Variants in GALNT11 observed in about 807,000 individuals in gnomAD.
GALNT11 encodes the protein polypeptide N-acetylgalactosaminyltransferase 11.
A neutral mutation model predicts 72.7 loss-of-function variants in GALNT11; 47 were observed. The observed-to-expected ratio is 0.65, with a 90% confidence interval of 0.51 to 0.82. The LOEUF is 0.82. Among genes scored for constraint, GALNT11 ranks in the 40% least tolerant of loss-of-function variants. The pLI is 0.00. For missense variants in GALNT11, 677 were observed against 778.4 expected (o/e 0.87, Z 1.55); for synonymous variants, 270 against 286.6 (o/e 0.94, Z 0.58).
chr7:152,086,539 A>G (rs745376007), intron 1 of GALNT11, among the ~76,000 whole-genome samples: 7 of 152,234 alleles, frequency 4.6e-5, no homozygotes, highest in Non-Finnish European at 1.0e-4. Flanking sequence ...GAAAGTTAGT[A>G]TATTTTACAG....
At chr7:152,057,372 T>G (rs2083744831) in intron 1 of GALNT11, among the ~76,000 whole-genome samples, 1 of 151,432 alleles carries the variant, frequency 6.6e-6, no homozygotes, top group African/African-American at 2.4e-5. Context: ...AGTGGTGCCA[T>G]CTCGGTTTAC....
intron 1 of GALNT11, among the ~76,000 whole-genome samples, chr7:152,031,920 A>G (rs1586904568): frequency 6.6e-6 from 1 of 151,486 alleles, no homozygotes; most frequent in Non-Finnish European, 1.5e-5. Flanking sequence ...ATTTGAAGGA[A>G]CCCCCACAAC....
intron 1 of GALNT11, among the ~76,000 whole-genome samples, chr7:152,075,710 C>T (rs900464630): frequency 1.3e-5 from 2 of 151,266 alleles, no homozygotes; most frequent in African/African-American, 2.4e-5. Context: ...GCAGGAGAAT[C>T]GCTTGAACCC....
chr7:152,045,857 T>G (rs2083093474), intron 1 of GALNT11, among the ~76,000 whole-genome samples: 1 of 152,128 alleles, frequency 6.6e-6, no homozygotes, highest in Non-Finnish European at 1.5e-5. Flanking sequence ...TCTTGCTTTC[T>G]CTGCATCTTT....
chr7:152,067,208 C>T (rs1219325459), intron 1 of GALNT11, among the ~76,000 whole-genome samples: 1 of 152,204 alleles, frequency 6.6e-6, no homozygotes, highest in Non-Finnish European at 1.5e-5. Flanking sequence ...TACATACTAT[C>T]TGTGCATATC....
intron 1 of GALNT11, among the ~76,000 whole-genome samples, chr7:152,076,657 T>TG (rs1484292913): frequency 6.6e-6 from 1 of 152,238 alleles, no homozygotes; most frequent in East Asian, 1.9e-4. Flanking sequence ...AGTTTGGGCC[T>TG]GCCCTGCACG....
chr7:152,044,031 G>A (rs181892935), intron 1 of GALNT11, among the ~76,000 whole-genome samples: 8 of 152,268 alleles, frequency 5.3e-5, no homozygotes, highest in African/African-American at 1.4e-4. Context: ...CGAGCCCCAC[G>A]TATGGGCATT....
rs2086295542 is a variant in GALNT11 at position 152,095,216 on chromosome 7, C to T, written c.295+694C>T. Among the ~76,000 whole-genome samples, 2 of 152,170 alleles carry T rather than the reference C, an allele frequency of 1.3e-5. 1 individual carries two copies. The highest frequency in any genetic ancestry group is 4.1e-4 in the South Asian group (2 of 4,826). On this transcript the variant is annotated intron_variant, in intron 2 of 11. Transcript: ENST00000430044. ...TTTTCCTCCTAAAAAATTATATTCTCTTCAACTTGGATGCAAGACTCTATT... is the reference window on the plus strand; with the variant it reads ...TTTTCCTCCTAAAAAATTATATTCTTTTCAACTTGGATGCAAGACTCTATT...
intron 7 of GALNT11, among the ~76,000 whole-genome samples, chr7:152,111,516 G>A (rs1455465776): frequency 2.6e-5 from 4 of 152,072 alleles, no homozygotes; most frequent in Non-Finnish European, 5.9e-5. Flanking sequence ...GGCTTTTAGT[G>A]CACTCATCAC....
chr7:152,039,944 A>G (rs1384099564), intron 1 of GALNT11, among the ~76,000 whole-genome samples: 2 of 152,018 alleles, frequency 1.3e-5, no homozygotes, highest in Admixed American at 6.6e-5. Context: ...TAAAGTTAAG[A>G]ATGCTAGATT....
intron 1 of GALNT11, among the ~76,000 whole-genome samples, chr7:152,039,137 G>T (rs1307531095): frequency 6.6e-6 from 1 of 152,134 alleles, no homozygotes; most frequent in Non-Finnish European, 1.5e-5. Flanking sequence ...ACATAGTGTG[G>T]CCATGGCACG....
At chr7:152,070,217 C>T (rs2084554513) in intron 1 of GALNT11, among the ~76,000 whole-genome samples, 2 of 152,062 alleles carry the variant, frequency 1.3e-5, no homozygotes, top group South Asian at 2.1e-4. Context: ...AGGATGGTCT[C>T]GATCTCCTGA....
chr7:152,085,702 T>C lies in GALNT11; in HGVS notation c.-38-8488T>C, dbSNP rs560916345. 1.1e-4 allele frequency among the ~76,000 whole-genome samples: 16 copies of C among 152,240 alleles called. No individual in the cohort carries two copies. In the South Asian group the frequency reaches 3.3e-3, roughly 32 times the overall value. On this transcript the variant is annotated intron_variant, in intron 1 of 11. Transcript: ENST00000430044. ...ATCTGATTTCTTTGCATTTCCTTCA[T>C]ATTTGGGTGTTGGCTTCTTTTTTTT...
At chr7:152,119,516 C>G (rs186665203) in intron 10 of GALNT11, 3 of 152,120 alleles carry the variant, frequency 2.0e-5, no homozygotes, top group East Asian at 3.9e-4. Context: ...TGTCATCCAG[C>G]GCTCCACCAG....
intron 1 of GALNT11, among the ~76,000 whole-genome samples, chr7:152,062,205 G>A (rs1021102479): frequency 5.9e-5 from 9 of 152,114 alleles, no homozygotes; most frequent in Non-Finnish European, 1.2e-4. Flanking sequence ...TTGTAAGTTG[G>A]ATCCCTAGGT....
rs1485255260 is a variant in GALNT11 at position 152,122,290 on chromosome 7, T to G, written c.*613T>G. On this transcript the variant is annotated 3_prime_UTR_variant, in exon 12 of 12. Transcript: ENST00000430044. Reference sequence around the variant, plus strand: ...ACAGTATGGCAGTTAATTATAAAATTATTTTGATGAATTATGATACAATCT... The same window carrying G: ...ACAGTATGGCAGTTAATTATAAAATGATTTTGATGAATTATGATACAATCT... 2 of 152,348 alleles carry G rather than the reference T, an allele frequency of 1.3e-5. No individual in the cohort carries two copies. The highest frequency in any genetic ancestry group is 3.9e-4 in the East Asian group (2 of 5,188). 9.4% of individuals were successfully genotyped at this position (152,348 alleles called of 1,614,324 possible).
At chr7:152,088,167 A>G (rs1032379005) in intron 1 of GALNT11, among the ~76,000 whole-genome samples, 4 of 152,092 alleles carry the variant, frequency 2.6e-5, no homozygotes, top group African/African-American at 9.7e-5. Flanking sequence ...ACCCTCCATT[A>G]TTATATTTAT....
chr7:152,110,408 A>T lies in GALNT11; in HGVS notation c.963-120A>T. 5 of 776,412 alleles carry T rather than the reference A, an allele frequency of 6.4e-6. No individual in the cohort carries two copies. In the South Asian group the frequency reaches 7.6e-5, roughly 12 times the overall value. 48.1% of individuals were successfully genotyped at this position (776,412 alleles called of 1,614,324 possible). On this transcript the variant is annotated intron_variant, in intron 6 of 11. Coordinates refer to ENST00000430044, the MANE Select transcript of GALNT11 (RefSeq NM_022087.4). ...TCTCTGATACTGGATAAAATGATTC[A>T]TAATCATTAATTCAATTTTTATTAG...
chr7:152,111,484 A>G (rs757904109), intron 7 of GALNT11, among the ~76,000 whole-genome samples: 2 of 152,166 alleles, frequency 1.3e-5, no homozygotes, highest in African/African-American at 4.8e-5. Context: ...GTACAAGTGC[A>G]TAGTGTGTGG....
Sources: allele counts gnomAD v4.1 joint callset (sites outside exome capture counted in the v4.1 genomes callset), GRCh38; gene constraint gnomAD v4.1.1; transcripts MANE v1.5; gene names NCBI Gene and HGNC (gene_info 2026-07-23, HGNC 2026-07-21).